ERI3: variants seen among roughly 807,000 people sequenced by gnomAD.
ERI3 encodes the protein ERI1 exoribonuclease 3.
Under a neutral mutation model 44.4 loss-of-function variants are expected in ERI3, and 18 were observed. The ratio of observed to expected loss-of-function variants is 0.41; its 90% CI spans 0.28 to 0.60. The LOEUF is 0.60. ERI3 is among the 20% of genes least tolerant of loss of function. The pLI is 0.36. For missense variants in ERI3, 294 were observed against 435.5 expected (o/e 0.68, Z 2.89); for synonymous variants, 183 against 164.8 (o/e 1.11, Z -0.84).
intron 8 of ERI3, among the ~76,000 whole-genome samples, chr1:44,225,003 C>A (rs930831273): frequency 3.9e-5 from 6 of 152,146 alleles, no homozygotes; most frequent in East Asian, 1.9e-4. Context: ...AGAAGAAGCA[C>A]TAGAGACAGA....
Position 44,327,009 on chromosome 1 carries a change from T to C in ERI3, c.490-7265A>G, listed in dbSNP as rs185207459. 1.6e-3 allele frequency among the ~76,000 whole-genome samples: 245 copies of C among 152,336 alleles called. 2 individuals are homozygous for C. The highest frequency in any genetic ancestry group is 0.015 in the Admixed American group (234 of 15,306). ...ACCTGTGTCTCCCTCTGTATGTACA[T>C]GACTCAGAAACAGCCACAGTTCAAA... On this transcript the variant is annotated intron_variant, in intron 3 of 8. Transcript: ENST00000372257.
chr1:44,335,588 G>C (rs226061), intron 3 of ERI3, among the ~76,000 whole-genome samples: 151,818 of 152,062 alleles, frequency 1, 75,787 homozygotes, highest in Non-Finnish European at 1. Flanking sequence ...GGAGAAAGCC[G>C]ACCTCCACTA....
At chr1:44,307,782 C>T (rs1441593679) in intron 6 of ERI3, among the ~76,000 whole-genome samples, 1 of 152,162 alleles carries the variant, frequency 6.6e-6, no homozygotes, top group Non-Finnish European at 1.5e-5. Flanking sequence ...GTCTTGCAGG[C>T]CAGATAAAGG....
intron 3 of ERI3, among the ~76,000 whole-genome samples, chr1:44,324,476 C>T (rs957783916): frequency 3.1e-4 from 28 of 90,466 alleles, no homozygotes; most frequent in African/African-American, 1.1e-3. Flanking sequence ...AACATAGACT[C>T]TTTTTTTTTT....
intron 6 of ERI3, among the ~76,000 whole-genome samples, chr1:44,304,904 G>A (rs1645801862): frequency 6.6e-6 from 1 of 152,200 alleles, no homozygotes; most frequent in Non-Finnish European, 1.5e-5. Context: ...CTGCATTTAT[G>A]TGTTCAACCT....
chr1:44,222,820 A>T (rs1643934415), intron 8 of ERI3, among the ~76,000 whole-genome samples: 1 of 152,220 alleles, frequency 6.6e-6, no homozygotes, highest in African/African-American at 2.4e-5. Flanking sequence ...CTGTGATTGT[A>T]GAAATATTGT....
Position 44,304,970 on chromosome 1 carries a change from A to C in ERI3, c.758+3340T>G, listed in dbSNP as rs1398683866. ...CTGCTCCAAAACTGAGGCTGAGCCT[A>C]AGTGAGGGTCCTCTCACCAGACTCT... On this transcript the variant is annotated intron_variant, in intron 6 of 8. Transcript: ENST00000372257. 2.0e-5 allele frequency among the ~76,000 whole-genome samples: 3 copies of C among 152,184 alleles called. No homozygotes were observed. The East Asian group carries it at 5.8e-4, about 29-fold the overall frequency.
At chr1:44,332,789 T>C (rs1385626084) in intron 3 of ERI3, among the ~76,000 whole-genome samples, 1 of 152,130 alleles carries the variant, frequency 6.6e-6, no homozygotes, top group Non-Finnish European at 1.5e-5. Context: ...CCCATCCTTA[T>C]GAGGGACCAC....
chr1:44,293,577 C>T (rs1304098080), intron 6 of ERI3, among the ~76,000 whole-genome samples: 1 of 152,196 alleles, frequency 6.6e-6, no homozygotes, highest in African/African-American at 2.4e-5. Context: ...GGCACCAGTC[C>T]TAACAGGAAG....
rs560516562 is a variant in ERI3 at position 44,302,391 on chromosome 1, C to T, written c.758+5919G>A. On this transcript the variant is annotated intron_variant, in intron 6 of 8. Coordinates refer to ENST00000372257, the MANE Select transcript of ERI3 (RefSeq NM_024066.3). Reference sequence around the variant, plus strand: ...AGGGAGTTCTTACTCAAGCCCCTTCCCCCAGCAGGCTGCTAATCAAAGGTG... The same window carrying T: ...AGGGAGTTCTTACTCAAGCCCCTTCTCCCAGCAGGCTGCTAATCAAAGGTG... Among the ~76,000 whole-genome samples the T allele has an allele frequency of 2.9e-3, 443 of 152,334 alleles. 3 individuals are homozygous for T. The highest frequency in any genetic ancestry group is 2.4e-3 in the Non-Finnish European group (160 of 68,036).
chr1:44,285,626 T>G lies in ERI3; in HGVS notation c.759-719A>C, dbSNP rs564285143. Among the ~76,000 whole-genome samples, 7 of 152,342 alleles carry G rather than the reference T, an allele frequency of 4.6e-5. No individual in the cohort carries two copies. In the South Asian group the frequency reaches 1.5e-3, roughly 32 times the overall value. On this transcript the variant is annotated intron_variant, in intron 6 of 8. Transcript: ENST00000372257. ...TCTCCCCCTCTAGCTGGTGATGGTT[T>G]TACTCAGACAAATCCATTCAAACAA...
chr1:44,324,190 C>A (rs1157126568), intron 3 of ERI3, among the ~76,000 whole-genome samples: 2 of 152,180 alleles, frequency 1.3e-5, no homozygotes, highest in Non-Finnish European at 2.9e-5. Context: ...CATGAAAGGG[C>A]TGCTAAGTGG....
intron 8 of ERI3, among the ~76,000 whole-genome samples, chr1:44,240,054 G>C (rs1644400053): frequency 2.0e-5 from 3 of 152,250 alleles, no homozygotes; most frequent in Admixed American, 2.0e-4. Context: ...GTACAGCAGG[G>C]ACCCAGTTTT....
intron 4 of ERI3, among the ~76,000 whole-genome samples, chr1:44,315,382 C>A (rs1290712649): frequency 6.6e-6 from 1 of 152,234 alleles, no homozygotes; most frequent in Admixed American, 6.5e-5. Context: ...TAAGCCCCTG[C>A]CCTGGGCCCC....
At chr1:44,348,710 A>G (rs72891798) in intron 2 of ERI3, among the ~76,000 whole-genome samples, 1,860 of 152,376 alleles carry the variant, frequency 0.012, 43 homozygotes, top group African/African-American at 0.042. Flanking sequence ...AACCTAGTAG[A>G]TCTGGACACG....
intron 6 of ERI3, among the ~76,000 whole-genome samples, chr1:44,303,582 T>G (rs1020129891): frequency 6.6e-6 from 1 of 152,176 alleles, no homozygotes; most frequent in Non-Finnish European, 1.5e-5. Flanking sequence ...AATGTGTACA[T>G]GTGCTCCAGG....
At chr1:44,236,612 G>A (rs952783685) in intron 8 of ERI3, among the ~76,000 whole-genome samples, 2 of 152,176 alleles carry the variant, frequency 1.3e-5, no homozygotes, top group Non-Finnish European at 2.9e-5. Flanking sequence ...AAGGCAATAA[G>A]GTAAAAGAAG....
intron 2 of ERI3, among the ~76,000 whole-genome samples, chr1:44,348,991 G>C (rs1284360106): frequency 6.6e-6 from 1 of 152,186 alleles, no homozygotes; most frequent in Non-Finnish European, 1.5e-5. Context: ...ACTTTACAAA[G>C]ATGTAAGGCC....
chr1:44,347,816 C>T (rs1646814084), intron 2 of ERI3, among the ~76,000 whole-genome samples: 1 of 150,006 alleles, frequency 6.7e-6, no homozygotes, highest in Admixed American at 6.7e-5. Context: ...CTTTGACTTG[C>T]TTGTTAGACT....
Sources: gnomAD v4.1 joint callset for allele counts (sites outside exome capture counted in the v4.1 genomes callset) on GRCh38, gnomAD v4.1.1 for gene constraint, MANE v1.5 for transcripts, NCBI Gene and HGNC (gene_info 2026-07-23, HGNC 2026-07-21) for gene names.